LRRC7: variants seen among roughly 807,000 people sequenced by gnomAD.
LRRC7 encodes the protein leucine rich repeat containing 7, also known as leucine-rich repeat-containing protein 7.
LRRC7 carries 23 observed loss-of-function variants against 175.7 expected under a neutral mutation model. The ratio of observed to expected loss-of-function variants is 0.13; its 90% CI spans 0.09 to 0.19. The LOEUF (loss-of-function observed/expected upper bound fraction) is 0.19, where lower values mean the gene tolerates loss of function less well. Among genes scored for constraint, LRRC7 ranks in the 10% least tolerant of loss-of-function variants. The pLI, the probability that LRRC7 is intolerant of heterozygous loss-of-function variation, is 1.00. For synonymous variants in LRRC7, 685 were observed against 680.9 expected (o/e 1.01, Z -0.09); for missense variants, 1,354 against 1,904.7 (o/e 0.71, Z 5.38).
chr1:69,702,415 G>A (rs1353795783), intron 2 of LRRC7, among the ~76,000 whole-genome samples: 4 of 152,136 alleles, frequency 2.6e-5, no homozygotes, highest in Non-Finnish European at 5.9e-5. Context: ...TAACACTTTG[G>A]CTAGACAGTA....
chr1:70,025,677 T>C (rs1044022956), intron 17 of LRRC7, among the ~76,000 whole-genome samples: 13 of 152,114 alleles, frequency 8.5e-5, no homozygotes, highest in African/African-American at 2.7e-4. Flanking sequence ...TAGTGGATGA[T>C]AGCTAGTTGG....
intron 2 of LRRC7, among the ~76,000 whole-genome samples, chr1:69,726,532 G>A (rs546293752): frequency 1.3e-5 from 2 of 152,258 alleles, no homozygotes; most frequent in East Asian, 3.9e-4. Flanking sequence ...AACAGTCATT[G>A]GATATCCAGG....
chr1:69,958,642 A>T (rs1477274491), intron 8 of LRRC7, among the ~76,000 whole-genome samples: 2 of 152,008 alleles, frequency 1.3e-5, no homozygotes, highest in Non-Finnish European at 1.5e-5. Context: ...AGAGATTTAG[A>T]TCTCAGATGG....
At chr1:69,855,617 A>G (rs1023154424) in intron 7 of LRRC7, among the ~76,000 whole-genome samples, 3 of 152,080 alleles carry the variant, frequency 2.0e-5, no homozygotes, top group African/African-American at 7.2e-5. Flanking sequence ...TTTGGGGTGG[A>G]GAGTTCTGTA....
At chr1:69,907,741 G>T (rs1339521352) in intron 7 of LRRC7, among the ~76,000 whole-genome samples, 1 of 152,138 alleles carries the variant, frequency 6.6e-6, no homozygotes, top group Non-Finnish European at 1.5e-5. Context: ...TTGTGTCTCT[G>T]TCAGGCTTTG....
chr1:69,791,905 G>C (rs1194496769), intron 3 of LRRC7, 138 bp from the exon 4 acceptor site: 5 of 574,686 alleles, frequency 8.7e-6, no homozygotes, highest in Non-Finnish European at 1.6e-5. Context: ...GAGAAGATGA[G>C]TATGGAGGGA....
At chr1:69,865,525 G>A (rs928184901) in intron 7 of LRRC7, among the ~76,000 whole-genome samples, 1 of 116,536 alleles carries the variant, frequency 8.6e-6, no homozygotes, top group Non-Finnish European at 1.7e-5. Context: ...GCCCCAGGCT[G>A]GATGGAGTGC....
intron 2 of LRRC7, among the ~76,000 whole-genome samples, chr1:69,728,980 A>G (rs1667271226): frequency 6.6e-6 from 1 of 152,166 alleles, no homozygotes; most frequent in African/African-American, 2.4e-5. Flanking sequence ...CAGAAGGGGA[A>G]GTAAACATGT....
intron 1 of LRRC7, among the ~76,000 whole-genome samples, chr1:69,578,437 A>C (rs1646050119): frequency 6.8e-6 from 1 of 146,470 alleles, no homozygotes; most frequent in Admixed American, 6.9e-5. Context: ...CCATCCCATT[A>C]CTGGGTATAT....
intron 6 of LRRC7, among the ~76,000 whole-genome samples, chr1:69,836,730 A>G (rs1681151625): frequency 6.6e-6 from 1 of 151,964 alleles, no homozygotes; most frequent in Non-Finnish European, 1.5e-5. Context: ...TTATACTAGT[A>G]CAATTGTTGA....
chr1:69,738,766 T>G (rs980228920), intron 2 of LRRC7, among the ~76,000 whole-genome samples: 1 of 152,074 alleles, frequency 6.6e-6, no homozygotes, highest in African/African-American at 2.4e-5. Flanking sequence ...AGAGCTAAAC[T>G]GCTTTATTTA....
chr1:69,932,696 C>G (rs1647509336), intron 8 of LRRC7, among the ~76,000 whole-genome samples: 1 of 152,186 alleles, frequency 6.6e-6, no homozygotes, highest in Admixed American at 6.5e-5. Context: ...TTGTTTTCAT[C>G]TTTCTTGCAT....
chr1:69,886,178 C>T lies in LRRC7; in HGVS notation c.648-45329C>T, dbSNP rs546122696. Among the ~76,000 whole-genome samples, 56 of 151,998 alleles carry T rather than the reference C, an allele frequency of 3.7e-4. No homozygotes were observed. In the East Asian group the frequency reaches 0.01, roughly 27 times the overall value. On this transcript the variant is annotated intron_variant, in intron 7 of 26. Coordinates refer to ENST00000651989, the MANE Select transcript of LRRC7 (RefSeq NM_001370785.2). ...TTCAATTCCTGGGTATCCTTGTTAACTTTCTGTCTCGTTTATCTGTCTAAT... is the reference window on the plus strand; with the variant it reads ...TTCAATTCCTGGGTATCCTTGTTAATTTTCTGTCTCGTTTATCTGTCTAAT...
At chr1:69,712,865 C>T (rs915855336) in intron 2 of LRRC7, among the ~76,000 whole-genome samples, 5 of 152,120 alleles carry the variant, frequency 3.3e-5, no homozygotes, top group Admixed American at 2.6e-4. Context: ...GGCCCAGTTT[C>T]AGCTATCTGC....
intron 7 of LRRC7, among the ~76,000 whole-genome samples, chr1:69,866,861 T>A (rs1217103603): frequency 2.0e-5 from 3 of 152,178 alleles, no homozygotes; most frequent in Admixed American, 2.0e-4. Flanking sequence ...ATGAGTTATT[T>A]TTAGAATAAT....
chr1:69,908,391 T>C (rs1470995756), intron 7 of LRRC7, among the ~76,000 whole-genome samples: 5 of 151,920 alleles, frequency 3.3e-5, no homozygotes, highest in Non-Finnish European at 7.4e-5. Flanking sequence ...CTTTCTCTTG[T>C]GGGCATTTAG....
chr1:69,697,207 C>T lies in LRRC7; in HGVS notation c.100+18729C>T, dbSNP rs539921179. The stretch of plus-strand genomic sequence containing the variant: ...TTTTTTATTTTTTTCCCACTTCTTC[C>T]GTTCTAATAAGAAAACTAAAACATG... On this transcript the variant is annotated intron_variant, in intron 2 of 26. Coordinates refer to ENST00000651989, the MANE Select transcript of LRRC7 (RefSeq NM_001370785.2). 1.4e-4 allele frequency among the ~76,000 whole-genome samples: 21 copies of T among 152,170 alleles called. 1 individual carries two copies. Among genetic ancestry groups the T allele is most frequent in the Admixed American group, 1.0e-3 (16 of 15,280 alleles).
intron 2 of LRRC7, among the ~76,000 whole-genome samples, chr1:69,714,557 G>A (rs969651755): frequency 2.6e-5 from 4 of 152,144 alleles, no homozygotes; most frequent in African/African-American, 9.7e-5. Context: ...CTCATTATCT[G>A]GACTTTGATG....
chr1:69,774,094 G>A (rs1399715854), intron 3 of LRRC7, among the ~76,000 whole-genome samples: 1 of 152,124 alleles, frequency 6.6e-6, no homozygotes, highest in African/African-American at 2.4e-5. Flanking sequence ...CAGGATATCT[G>A]TGGAAGCAAA....
Sources: gnomAD v4.1 joint callset for allele counts (sites outside exome capture counted in the v4.1 genomes callset) on GRCh38, gnomAD v4.1.1 for gene constraint, MANE v1.5 for transcripts, NCBI Gene and HGNC (gene_info 2026-07-23, HGNC 2026-07-21) for gene names.